Variants in LRP2 observed in about 807,000 individuals in gnomAD.
LRP2 encodes LDL receptor related protein 2, also known as low-density lipoprotein receptor-related protein 2.
Under a neutral mutation model 531.0 loss-of-function variants are expected in LRP2, and 172 were observed. The observed-to-expected ratio is 0.32, with a 90% confidence interval of 0.29 to 0.37. The LOEUF is 0.37. Among genes scored for constraint, LRP2 ranks in the 10% least tolerant of loss-of-function variants. The pLI is 1.00. For synonymous variants in LRP2, 1,992 were observed against 2,027.6 expected (o/e 0.98, Z 0.47); for missense variants, 5,167 against 5,868.3 (o/e 0.88, Z 3.90).
At chr2:169,349,857 A>G (rs372499336) in intron 1 of LRP2, among the ~76,000 whole-genome samples, 2 of 152,132 alleles carry the variant, frequency 1.3e-5, no homozygotes, top group African/African-American at 4.8e-5. Context: ...AATAAATATT[A>G]TATACTCCAA....
chr2:169,166,112 TA>T, intron 61 of LRP2, 58 bp from the exon 62 acceptor site: 1 of 1,573,478 alleles, frequency 6.4e-7, no homozygotes, highest in East Asian at 2.2e-5. Flanking sequence ...TAAGTGTCAA[TA>T]TCTAAAATAC....
chr2:169,156,351 T>C lies in LRP2; in HGVS notation c.12074A>G (p.Lys4025Arg). The change falls in exon 65 of 79, where the codon AAA becomes AGA. Residue 4025 changes from lysine to arginine, a missense_variant. Transcript: ENST00000649046. ...AGCACAGACACACTCATAACTTCCTTTGGTATTTCTGCAGTGCTGGGGACA... is the reference window on the plus strand; with the variant it reads ...AGCACAGACACACTCATAACTTCCTCTGGTATTTCTGCAGTGCTGGGGACA... ...GTCPQHCRNTKGSYECVCADG... is the reference protein window; with the variant it reads ...GTCPQHCRNTRGSYECVCADG... 2 of 1,613,626 alleles carry C rather than the reference T, an allele frequency of 1.2e-6. No homozygotes were observed. Among genetic ancestry groups the C allele is most frequent in the Non-Finnish European group, 1.7e-6 (2 of 1,179,674 alleles).
intron 74 of LRP2, 121 bp downstream of exon 74, chr2:169,139,130 T>G: frequency 6.9e-7 from 1 of 1,439,648 alleles, no homozygotes; most frequent in Non-Finnish European, 9.8e-7. Flanking sequence ...TTTTTGTTTC[T>G]GTGGAATCGG....
Position 169,186,434 on chromosome 2 carries a change from C to T in LRP2, c.9329-415G>A, listed in dbSNP as rs138222931. Among the ~76,000 whole-genome samples the T allele has an allele frequency of 2.5e-3, 382 of 152,310 alleles. 2 individuals carry two copies. Among genetic ancestry groups the T allele is most frequent in the Non-Finnish European group, 2.8e-3 (192 of 68,038 alleles). On this transcript the variant is annotated intron_variant, in intron 49 of 78. Transcript: ENST00000649046. ...AAGAGATACACACATTTGCCTCTCA[C>T]GAGATGGCATGAGCTCAACACTAGG...
rs148562167 is a variant in LRP2 at position 169,207,209 on chromosome 2, T to G, written c.6511A>C (p.Ile2171Leu). 1 of 1,614,006 alleles carries G rather than the reference T, an allele frequency of 6.2e-7. No individual in the cohort carries two copies. The highest frequency in any genetic ancestry group is 8.5e-7 in the Non-Finnish European group (1 of 1,180,020). The change falls in exon 39 of 79, where the codon ATA becomes CTA. Residue 2171 changes from isoleucine (I) to leucine (L), a missense_variant. Transcript: ENST00000649046. ...GTAGTATTGATCCGCAGAACTTCTA[T>G]CAGTGTTTCAGAAACAAAGGCATTG... Reference protein sequence around the residue: ...FTNAFVSETLIEVLRINTTYR... With the variant: ...FTNAFVSETLLEVLRINTTYR...
intron 30 of LRP2, among the ~76,000 whole-genome samples, chr2:169,232,794 T>A (rs907058819): frequency 1.3e-5 from 2 of 152,256 alleles, no homozygotes; most frequent in East Asian, 3.9e-4. Context: ...TGAAATCCAA[T>A]GTGGCAACAG....
chr2:169,210,099 G>A (rs1423418199), intron 37 of LRP2, among the ~76,000 whole-genome samples: 2 of 152,116 alleles, frequency 1.3e-5, no homozygotes, highest in Non-Finnish European at 2.9e-5. Flanking sequence ...GGGGAGACAC[G>A]AAGAGCTTTC....
chr2:169,237,309 G>C, intron 27 of LRP2, 22 bp from the exon 28 acceptor site: 5 of 1,559,304 alleles, frequency 3.2e-6, no homozygotes, highest in Non-Finnish European at 4.4e-6. Context: ...AGTGAATAAA[G>C]AGTGAATTCT....
In LRP2 at chr2:169,277,951, A is replaced by T; in HGVS notation, c.1566T>A (p.Gly522=). Residue 522 remains glycine (G), a splice_region_variant and synonymous_variant, in exon 13 of 79, where the codon GGT becomes GGA. Transcript: ENST00000649046. ...PRGIAVDPTV[G]YLFFSDWESL... ...TCTCCCAATCTGAGAAAAATAAATAACTACAAAAGAAAAACAGAAGATGAA... is the reference window on the plus strand; with the variant it reads ...TCTCCCAATCTGAGAAAAATAAATATCTACAAAAGAAAAACAGAAGATGAA... The T allele has an allele frequency of 6.2e-7, 1 of 1,611,332 alleles. No homozygotes were observed. The highest frequency in any genetic ancestry group is 8.5e-7 in the Non-Finnish European group (1 of 1,177,648).
intron 57 of LRP2, 151 bp downstream of exon 57, chr2:169,172,945 A>G: frequency 2.0e-6 from 2 of 1,007,768 alleles, no homozygotes; most frequent in Non-Finnish European, 3.0e-6. Flanking sequence ...ACAAAAATGT[A>G]ACATGTTATT....
rs1408173928 is a variant in LRP2 at position 169,185,879 on chromosome 2, T to C, written c.9469A>G (p.Thr3157Ala). 3.1e-6 allele frequency: 5 copies of C among 1,614,040 alleles called. No individual in the cohort carries two copies. In the Admixed American group the frequency reaches 8.3e-5, roughly 27 times the overall value. Residue 3157 changes from threonine to alanine, a missense_variant, in exon 50 of 79, where the codon ACA (threonine) becomes GCA (alanine). Thr to Ala is a moderately conservative substitution (Grantham distance 58). This residue lies in a region of LRP2 where 1,129 missense variants were observed against 1,362.7 expected (regional missense o/e 0.83). Coordinates refer to ENST00000649046, the MANE Select transcript of LRP2 (RefSeq NM_004525.3). The part of the protein sequence containing the change: ...KRTCVDIDEC[T>A]EMPFVCSQKC... ...TGGCTACAGACAAAAGGCATCTCTG[T>C]GCATTCATCAATATCAACACAAGTC...
At chr2:169,229,446 A>G (rs1395782335) in intron 31 of LRP2, among the ~76,000 whole-genome samples, 1 of 152,170 alleles carries the variant, frequency 6.6e-6, no homozygotes, top group Non-Finnish European at 1.5e-5. Context: ...AGCAAGGACA[A>G]GGAGTGTTCT....
At chr2:169,232,566 G>A (rs1227034383) in intron 30 of LRP2, among the ~76,000 whole-genome samples, 1 of 152,144 alleles carries the variant, frequency 6.6e-6, no homozygotes, top group Non-Finnish European at 1.5e-5. Flanking sequence ...AGAGGTTTCA[G>A]AACATGAGGG....
chr2:169,177,885 A>G lies in LRP2; in HGVS notation c.10311T>C (p.Asp3437=), dbSNP rs372352882. The G allele has an allele frequency of 1.6e-5, 26 of 1,614,092 alleles. No individual in the cohort carries two copies. Among genetic ancestry groups the G allele is most frequent in the Admixed American group, 8.3e-5 (5 of 60,010 alleles). The stretch of plus-strand genomic sequence containing the variant: ...TCACCAGTGTCTGTCTATTTGATCC[A>G]TCATATTTGTTTCCCTTTTCCACTG... ...TRTVEKGNKY[D]GSNRQTLVNT... is the part of the protein sequence containing the mutation. The change falls in exon 53 of 79, where the codon GAT becomes GAC. Residue 3437 remains aspartate, a synonymous_variant. Coordinates refer to ENST00000649046, the MANE Select transcript of LRP2 (RefSeq NM_004525.3).
chr2:169,266,622 G>A (rs1192849868), intron 16 of LRP2, among the ~76,000 whole-genome samples: 1 of 152,024 alleles, frequency 6.6e-6, no homozygotes, highest in Admixed American at 6.6e-5. Context: ...GCTGGAATTT[G>A]GAACCAGGCA....
At chr2:169,301,081 T>C (rs1684274688) in intron 4 of LRP2, among the ~76,000 whole-genome samples, 1 of 152,104 alleles carries the variant, frequency 6.6e-6, no homozygotes, top group African/African-American at 2.4e-5. Flanking sequence ...AAGCCTTCAT[T>C]GTAACAGGGA....
intron 3 of LRP2, among the ~76,000 whole-genome samples, chr2:169,316,684 T>A (rs1559072143): frequency 6.6e-6 from 1 of 152,122 alleles, no homozygotes; most frequent in Non-Finnish European, 1.5e-5. Context: ...GGCAAAAATC[T>A]GGGTTGTAAA....
chr2:169,227,627 T>G (rs1042795565), intron 31 of LRP2, among the ~76,000 whole-genome samples: 3 of 152,202 alleles, frequency 2.0e-5, no homozygotes, highest in Non-Finnish European at 4.4e-5. Context: ...AATGATGTTT[T>G]CATTATTTTT....
chr2:169,213,960 C>G, intron 35 of LRP2, 90 bp from the exon 36 acceptor site: 1 of 845,146 alleles, frequency 1.2e-6, no homozygotes, highest in Non-Finnish European at 2.0e-6. Context: ...TATAATGTCT[C>G]ACATTTATAC....
Sources: allele counts gnomAD v4.1 joint callset (sites outside exome capture counted in the v4.1 genomes callset), GRCh38; gene constraint gnomAD v4.1.1; regional missense constraint gnomAD v4.1.1; transcripts MANE v1.5; gene names NCBI Gene and HGNC (gene_info 2026-07-23, HGNC 2026-07-21).